The following ZNF223 variants were observed in gnomAD, a reference collection of about 807,000 sequenced individuals.
The protein encoded by ZNF223 is zinc finger protein 223, also known as Homo sapiens zinc finger protein 223.
ZNF223 carries 9 observed loss-of-function variants against 12.3 expected under a neutral mutation model. That is an observed-to-expected ratio of 0.73 (90% CI 0.44 to 1.28). The LOEUF (loss-of-function observed/expected upper bound fraction) is 1.28, where lower values mean the gene tolerates loss of function less well. Ranked by LOEUF, ZNF223 falls within the 50% of genes most tolerant of loss-of-function variation. The pLI, the probability that ZNF223 is intolerant of heterozygous loss-of-function variation, is 0.00. For synonymous variants in ZNF223, 171 were observed against 195.2 expected, an observed-to-expected ratio of 0.88 and a Z score of 1.03; for missense variants, 506 against 579.0, an observed-to-expected ratio of 0.87 and a Z score of 1.29.
At chr19:44,060,112 C>T (rs1425882796) in intron 2 of ZNF223, among the ~76,000 whole-genome samples, 1 of 152,170 alleles carries the variant, frequency 6.6e-6, no homozygotes, top group African/African-American at 2.4e-5. Flanking sequence ...GACTGAATTG[C>T]TCACTGTCGC....
chr19:44,064,766 A>G (rs1976883180), intron 4 of ZNF223, among the ~76,000 whole-genome samples: 1 of 152,124 alleles, frequency 6.6e-6, no homozygotes, highest in African/African-American at 2.4e-5. Flanking sequence ...ACCAAGGGGG[A>G]AAAACCAAAT....
chr19:44,059,898 T>C (rs926720241), intron 2 of ZNF223, among the ~76,000 whole-genome samples: 3 of 152,132 alleles, frequency 2.0e-5, no homozygotes, highest in Admixed American at 6.5e-5. Context: ...TGGGATCCCA[T>C]AGAAGTCAGG....
rs150013533 is a variant in ZNF223 at position 44,066,259 on chromosome 19, G to C, written c.431G>C (p.Gly144Ala). 2.3e-5 allele frequency: 37 copies of C among 1,614,202 alleles called. No individual in the cohort carries two copies. In the African/African-American group the frequency reaches 3.3e-4, roughly 15 times the overall value. ...VEEGLSIMHT[G>A]QKPSNCGKCK... ...GAAGGACTATCTATAATGCACACAGGACAGAAACCTTCCAATTGTGGGAAG... is the reference window on the plus strand; with the variant it reads ...GAAGGACTATCTATAATGCACACAGCACAGAAACCTTCCAATTGTGGGAAG... Residue 144 changes from glycine to alanine, a missense_variant, in exon 5 of 5, where the codon GGA (glycine) becomes GCA (alanine). Gly to Ala is a moderately conservative substitution (Grantham distance 60). Transcript: ENST00000434772.
At chr19:44,054,684 C>G (rs1976742774) in intron 1 of ZNF223, among the ~76,000 whole-genome samples, 1 of 152,184 alleles carries the variant, frequency 6.6e-6, no homozygotes, top group Non-Finnish European at 1.5e-5. Flanking sequence ...CAGTTGGACT[C>G]CTCATGCCCA....
Position 44,066,508 on chromosome 19 carries a change from C to T in ZNF223, c.680C>T (p.Thr227Ile), listed in dbSNP as rs757709373. ...LHLQTHQRVHTGEKPFKCEQC... is the reference protein window; with the variant it reads ...LHLQTHQRVHIGEKPFKCEQC... ...CTGCAAACTCATCAGAGAGTCCATA[C>T]TGGAGAGAAACCTTTCAAATGTGAA... Residue 227 changes from threonine to isoleucine, a missense_variant, in exon 5 of 5, where the codon ACT (threonine) becomes ATT (isoleucine). Physicochemically the swap from Thr to Ile is moderately conservative, Grantham distance 89. Coordinates refer to ENST00000434772, the MANE Select transcript of ZNF223 (RefSeq NM_013361.6). The T allele has an allele frequency of 6.2e-7, 1 of 1,614,192 alleles. No homozygotes were observed. The highest frequency in any genetic ancestry group is 2.2e-5 in the East Asian group (1 of 44,878).
rs1860736255 is a variant in ZNF223 at position 44,067,636 on chromosome 19, T to C, written c.*359T>C. On this transcript the variant is annotated 3_prime_UTR_variant, in exon 5 of 5. Coordinates refer to ENST00000434772, the MANE Select transcript of ZNF223 (RefSeq NM_013361.6). Reference sequence around the variant, plus strand: ...CCATGTGATTGAGGACAGTTTGAAGTTAGTGTTTCAGCCATAGCTCAGCAT... The same window carrying C: ...CCATGTGATTGAGGACAGTTTGAAGCTAGTGTTTCAGCCATAGCTCAGCAT... 3.9e-5 allele frequency: 16 copies of C among 407,226 alleles called. No individual in the cohort carries two copies. The highest frequency in any genetic ancestry group is 3.2e-4 in the South Asian group (16 of 50,252). 25.2% of individuals were successfully genotyped at this position (407,226 alleles called of 1,614,324 possible). A position where few individuals can be genotyped will look rare whatever the true frequency, so the allele number is the denominator to read the frequency against.
At chr19:44,052,022 A>G (rs1976706710), upstream of ZNF223, 1 of 152,118 alleles carries the variant, frequency 6.6e-6, no homozygotes, top group Admixed American at 6.5e-5. Context: ...CAGAGAGGAC[A>G]CTTCCGGTCT....
At chr19:44,065,664 G>A (rs544803981) in intron 4 of ZNF223, among the ~76,000 whole-genome samples, 50 of 148,578 alleles carry the variant, frequency 3.4e-4, no homozygotes, top group African/African-American at 1.0e-3. Flanking sequence ...TGCAACCTGC[G>A]CCTCCTGGGT....
chr19:44,066,470 T>G lies in ZNF223; in HGVS notation c.642T>G (p.Ser214Arg), dbSNP rs1400727632. 1 of 1,614,192 alleles carries G rather than the reference T, an allele frequency of 6.2e-7. No individual in the cohort carries two copies. Among genetic ancestry groups the G allele is most frequent in the Admixed American group, 1.7e-5 (1 of 60,022 alleles). ...FKCDVCGKEF[S>R]QSLHLQTHQR... ...GTGACGTGTGTGGTAAGGAATTCAG[T>G]CAGAGTTTACATCTGCAAACTCATC... is the stretch of plus-strand genomic sequence containing the variant. The change falls in exon 5 of 5, where the codon AGT (serine) becomes AGG (arginine). Residue 214 changes from serine (S) to arginine (R), a missense_variant. Transcript: ENST00000434772.
In ZNF223 at chr19:44,067,274, G is replaced by T. The variant is rs368786392; in HGVS notation, c.1446G>T (p.Thr482=). The change falls in exon 5 of 5, where the codon ACG becomes ACT. Residue 482 remains threonine (T), a synonymous_variant. Coordinates refer to ENST00000434772, the MANE Select transcript of ZNF223 (RefSeq NM_013361.6). ...TTTTATCATTATTTTTAAATGACACGTAAGTGTTGTACATATTTATGGGGT... is the reference window on the plus strand; with the variant it reads ...TTTTATCATTATTTTTAAATGACACTTAAGTGTTGTACATATTTATGGGGT... ...DIILSLFLND[T] 1 of 1,605,752 alleles carries T rather than the reference G, an allele frequency of 6.2e-7. No individual in the cohort carries two copies. Among genetic ancestry groups the T allele is most frequent in the Non-Finnish European group, 8.5e-7 (1 of 1,175,684 alleles).
chr19:44,060,367 C>G, intron 2 of ZNF223, 88 bp from the exon 3 acceptor site: 1 of 1,555,128 alleles, frequency 6.4e-7, no homozygotes, highest in South Asian at 1.2e-5. Flanking sequence ...GAAAAACTTT[C>G]CATTTTTCCT....
At chr19:44,054,399 A>G (rs1019240582) in intron 1 of ZNF223, among the ~76,000 whole-genome samples, 18 of 152,198 alleles carry the variant, frequency 1.2e-4, no homozygotes, top group East Asian at 1.2e-3. Context: ...GGGAAAATAC[A>G]TTATTAGTGG....
In ZNF223 at chr19:44,060,852, C is replaced by T. The variant is rs202091444; in HGVS notation, c.235+11C>T. 2.2e-4 allele frequency: 353 copies of T among 1,606,686 alleles called. 1 individual carries two copies. The highest frequency in any genetic ancestry group is 2.6e-4 in the Non-Finnish European group (310 of 1,174,398). On this transcript the variant is annotated intron_variant, in intron 4 of 4. Coordinates refer to ENST00000434772, the MANE Select transcript of ZNF223 (RefSeq NM_013361.6). ...GGGAAGGGAATTCAGGTAAGAAGCACGCAACTGTGTGTCCTTGTTTGTGAC... is the reference window on the plus strand; with the variant it reads ...GGGAAGGGAATTCAGGTAAGAAGCATGCAACTGTGTGTCCTTGTTTGTGAC...
intron 4 of ZNF223, chr19:44,063,380 A>G (rs1254773124): frequency 2.0e-5 from 3 of 152,264 alleles, no homozygotes; most frequent in African/African-American, 4.8e-5. Context: ...AGCAGTGTCC[A>G]AGCATGTTAC....
At chr19:44,063,139 T>C (rs1165742061) in intron 4 of ZNF223, 1 of 152,210 alleles carries the variant, frequency 6.6e-6, no homozygotes, top group Non-Finnish European at 1.5e-5. Flanking sequence ...AGACCTCTTA[T>C]TTATAAGTCA....
intron 2 of ZNF223, 57 bp downstream of exon 2, chr19:44,055,248 G>T (rs1976750038): frequency 2.5e-6 from 4 of 1,596,610 alleles, no homozygotes; most frequent in East Asian, 4.5e-5. Flanking sequence ...TCAGATTGTT[G>T]TGTGTTTTTC....
upstream of ZNF223, chr19:44,051,856 T>G (rs1234856920): frequency 1.3e-5 from 2 of 152,178 alleles, no homozygotes; most frequent in African/African-American, 4.8e-5. Context: ...GGAAGTGTAG[T>G]CCACTGGCTC....
intron 4 of ZNF223, among the ~76,000 whole-genome samples, chr19:44,065,294 C>G (rs1210653588): frequency 1.3e-5 from 2 of 152,098 alleles, no homozygotes; most frequent in Admixed American, 6.5e-5. Context: ...TTTAAGCCAT[C>G]TTAAACTGAA....
chr19:44,064,365 T>C lies in ZNF223; in HGVS notation c.236-1699T>C, dbSNP rs528203206. On this transcript the variant is annotated intron_variant, in intron 4 of 4. Coordinates refer to ENST00000434772, the MANE Select transcript of ZNF223 (RefSeq NM_013361.6). The stretch of plus-strand genomic sequence containing the variant: ...AAGAGCATCCTCCTTTGTGGACCTC[T>C]GGAAGGACAGCCTTTCAGATTCCCC... Among the ~76,000 whole-genome samples the C allele has an allele frequency of 3.3e-5, 5 of 152,330 alleles. No homozygotes were observed. The East Asian group carries it at 9.7e-4, about 29-fold the overall frequency.
Sources: allele counts gnomAD v4.1 joint callset (sites outside exome capture counted in the v4.1 genomes callset), GRCh38; gene constraint gnomAD v4.1.1; transcripts MANE v1.5; gene names NCBI Gene and HGNC (gene_info 2026-07-23, HGNC 2026-07-21).